NRG3: variants seen among roughly 807,000 people sequenced by gnomAD.
NRG3 encodes neuregulin 3.
A neutral mutation model predicts 66.9 loss-of-function variants in NRG3; 31 were observed. The ratio of observed to expected loss-of-function variants is 0.46; its 90% CI spans 0.35 to 0.63. The LOEUF (loss-of-function observed/expected upper bound fraction) is 0.63. Among genes scored for constraint, NRG3 ranks in the 20% least tolerant of loss-of-function variants. The probability of loss-of-function intolerance (pLI) is 0.00; values close to 1 mark genes in which losing one functional copy is unlikely to be tolerated. For missense variants in NRG3, 910 were observed against 878.9 expected (o/e 1.04, Z -0.45); for synonymous variants, 393 against 359.4 (o/e 1.09, Z -1.06).
intron 3 of NRG3, among the ~76,000 whole-genome samples, chr10:82,819,284 T>A (rs575085277): frequency 6.6e-6 from 1 of 152,368 alleles, no homozygotes; most frequent in East Asian, 1.9e-4. Context: ...ATGTCAACTA[T>A]GCTGGAATAA....
chr10:81,899,723 A>G (rs1019510657), intron 1 of NRG3, among the ~76,000 whole-genome samples: 12 of 152,026 alleles, frequency 7.9e-5, no homozygotes, highest in Middle Eastern at 3.4e-3. Flanking sequence ...GCCCCTGTTG[A>G]CTCCGTGGAG....
chr10:82,185,632 C>G (rs1001464951), intron 1 of NRG3, among the ~76,000 whole-genome samples: 10 of 152,202 alleles, frequency 6.6e-5, no homozygotes, highest in African/African-American at 2.4e-4. Context: ...TGATACTTCA[C>G]TTGCCTGCAC....
intron 2 of NRG3, among the ~76,000 whole-genome samples, chr10:82,506,434 A>G (rs796799275): frequency 2.6e-4 from 39 of 152,242 alleles, no homozygotes; most frequent in African/African-American, 9.1e-4. Context: ...GCAGTCACAG[A>G]AACTTTTTGT....
chr10:82,368,064 T>TTTCCTGTCCG lies in NRG3; in HGVS notation c.953+9197_953+9198insTCCTGTCCGT, dbSNP rs1554897754. On this transcript the variant is annotated intron_variant, in intron 2 of 8. Transcript: ENST00000372141. ...ACATATTCTCTGTGATTCAGTTTTC[T>TTTCCTGTCCG]TATCTGTGAAGTGGGAAAAACAATA... is the stretch of plus-strand genomic sequence containing the variant. 1.5e-3 allele frequency among the ~76,000 whole-genome samples: 156 copies of TTTCCTGTCCG among 105,212 alleles called. 2 individuals carry two copies. Among genetic ancestry groups the TTTCCTGTCCG allele is most frequent in the African/African-American group, 6.9e-3 (82 of 11,894 alleles). The allele number at this position is 105,212 out of a possible 152,430, so 69.0% of individuals were successfully genotyped here. A position where few individuals can be genotyped will look rare whatever the true frequency, so the allele number is the denominator to read the frequency against.
intron 1 of NRG3, among the ~76,000 whole-genome samples, chr10:81,944,986 C>A (rs1848724490): frequency 6.6e-6 from 1 of 152,092 alleles, no homozygotes; most frequent in African/African-American, 2.4e-5. Context: ...TCCACTGCCC[C>A]TGAGCTCTAA....
intron 1 of NRG3, among the ~76,000 whole-genome samples, chr10:82,169,995 G>GT (rs34710450): frequency 1.6e-4 from 23 of 142,816 alleles, no homozygotes; most frequent in East Asian, 4.0e-4. Flanking sequence ...TTTCATGTGT[G>GT]TTTTTTTTTT....
intron 2 of NRG3, among the ~76,000 whole-genome samples, chr10:82,620,095 C>T (rs945283320): frequency 2.6e-5 from 4 of 152,128 alleles, no homozygotes; most frequent in African/African-American, 9.7e-5. Flanking sequence ...GACCCTGAGG[C>T]GATGGTGCCT....
At chr10:82,099,084 G>A (rs2066558321) in intron 1 of NRG3, among the ~76,000 whole-genome samples, 1 of 152,072 alleles carries the variant, frequency 6.6e-6, no homozygotes, top group African/African-American at 2.4e-5. Flanking sequence ...TCTTGACAGA[G>A]CAAAGATTTT....
intron 3 of NRG3, among the ~76,000 whole-genome samples, chr10:82,783,529 G>A (rs1279842653): frequency 6.6e-6 from 1 of 151,958 alleles, no homozygotes; most frequent in Non-Finnish European, 1.5e-5. Context: ...CAAAATCAAT[G>A]TACAAAAATC....
chr10:82,543,309 G>A (rs985459947), intron 2 of NRG3, among the ~76,000 whole-genome samples: 12 of 152,198 alleles, frequency 7.9e-5, no homozygotes, highest in Non-Finnish European at 1.0e-4. Flanking sequence ...TCATCATTTT[G>A]TAGAAATAAT....
At chr10:82,927,497 C>T (rs1847123895) in intron 4 of NRG3, among the ~76,000 whole-genome samples, 1 of 152,034 alleles carries the variant, frequency 6.6e-6, no homozygotes, top group Non-Finnish European at 1.5e-5. Context: ...CTCCCCTGGC[C>T]CCCACCCCCT....
chr10:82,410,517 A>G (rs935950151), intron 2 of NRG3, among the ~76,000 whole-genome samples: 4 of 151,008 alleles, frequency 2.6e-5, no homozygotes, highest in African/African-American at 9.7e-5. Flanking sequence ...CAGAGACAGA[A>G]AATAGATTAG....
At chr10:82,787,248 T>C (rs1186378639) in intron 3 of NRG3, among the ~76,000 whole-genome samples, 1 of 152,194 alleles carries the variant, frequency 6.6e-6, no homozygotes, top group Non-Finnish European at 1.5e-5. Flanking sequence ...ATCACACTTA[T>C]TATACCCTAC....
At chr10:82,319,663 C>T (rs913368720) in intron 1 of NRG3, among the ~76,000 whole-genome samples, 1 of 152,134 alleles carries the variant, frequency 6.6e-6, no homozygotes, top group Non-Finnish European at 1.5e-5. Flanking sequence ...GTTTGGCAAA[C>T]CTCTGCCAGC....
At chr10:82,604,888 G>A (rs911869391) in intron 2 of NRG3, among the ~76,000 whole-genome samples, 2 of 152,064 alleles carry the variant, frequency 1.3e-5, no homozygotes, top group African/African-American at 2.4e-5. Context: ...TATTGCTGGT[G>A]TATAAGAAAG....
chr10:82,608,848 A>T (rs536457778), intron 2 of NRG3, among the ~76,000 whole-genome samples: 8 of 152,148 alleles, frequency 5.3e-5, no homozygotes, highest in Admixed American at 5.2e-4. Flanking sequence ...ACACACAATT[A>T]GAAGCACCAA....
At chr10:82,758,221 G>T (rs1160974681) in intron 3 of NRG3, among the ~76,000 whole-genome samples, 1 of 152,198 alleles carries the variant, frequency 6.6e-6, no homozygotes, top group East Asian at 1.9e-4. Flanking sequence ...CCAAGTGTCT[G>T]TAATGCTCAG....
chr10:82,290,064 C>G (rs1379704439), intron 1 of NRG3, among the ~76,000 whole-genome samples: 1 of 152,236 alleles, frequency 6.6e-6, no homozygotes, highest in East Asian at 1.9e-4. Context: ...TTTAATCTCT[C>G]TAACTACAAA....
intron 2 of NRG3, among the ~76,000 whole-genome samples, chr10:82,469,375 G>C (rs1054912291): frequency 6.6e-6 from 1 of 152,142 alleles, no homozygotes; most frequent in African/African-American, 2.4e-5. Context: ...CAGATCTGTA[G>C]AAAGTTAAAG....
Sources: gnomAD v4.1 joint callset for allele counts (sites outside exome capture counted in the v4.1 genomes callset) on GRCh38, gnomAD v4.1.1 for gene constraint, MANE v1.5 for transcripts, NCBI Gene and HGNC (gene_info 2026-07-23, HGNC 2026-07-21) for gene names.